SMC3: variants seen among roughly 807,000 people sequenced by gnomAD.
The protein encoded by SMC3 is structural maintenance of chromosomes protein 3.
In SMC3, 20 loss-of-function variants were observed where a neutral mutation model predicts 171.8. The ratio of observed to expected loss-of-function variants is 0.12; its 90% CI spans 0.08 to 0.17. The LOEUF (loss-of-function observed/expected upper bound fraction) is 0.17. Among genes scored for constraint, SMC3 ranks in the 10% least tolerant of loss-of-function variants. The pLI, the probability that SMC3 is intolerant of heterozygous loss-of-function variation, is 1.00. For missense variants in SMC3, 543 were observed against 1,420.4 expected, an observed-to-expected ratio of 0.38 and a Z score of 9.93; for synonymous variants, 464 against 451.1, an observed-to-expected ratio of 1.03 and a Z score of -0.36.
At position 110,593,113 on chromosome 10, in the gene SMC3, G is replaced by C; in HGVS notation, c.1853G>C (p.Arg618Thr). ...ATCAGCAAACTGAGGTACAATCCCA[G>C]ATTTGACAAAGCTTTCAAACATGTG... is the stretch of plus-strand genomic sequence containing the variant. Reference protein sequence around the residue: ...PMISKLRYNPRFDKAFKHVFG... With the variant: ...PMISKLRYNPTFDKAFKHVFG... Residue 618 changes from arginine (R) to threonine (T), a missense_variant, in exon 18 of 29, where the codon AGA becomes ACA. Physicochemically the swap from Arg to Thr is moderately conservative, Grantham distance 71. Coordinates refer to ENST00000361804, the MANE Select transcript of SMC3 (RefSeq NM_005445.4). 1 of 1,614,024 alleles carries C rather than the reference G, an allele frequency of 6.2e-7. No homozygotes were observed. The highest frequency in any genetic ancestry group is 1.1e-5 in the South Asian group (1 of 91,084).
intron 13 of SMC3, among the ~76,000 whole-genome samples, chr10:110,584,707 C>G (rs770352588): frequency 6.6e-6 from 1 of 152,212 alleles, no homozygotes; most frequent in Non-Finnish European, 1.5e-5. Context: ...CTCACTGCAG[C>G]CTCCACCTTC....
chr10:110,577,279 A>C, intron 4 of SMC3, 142 bp from the exon 5 acceptor site: 1 of 676,798 alleles, frequency 1.5e-6, no homozygotes, highest in South Asian at 1.7e-5. Context: ...ACGTTAGATT[A>C]GTGTGTGTGT....
In SMC3 at chr10:110,584,183, A is replaced by G. The variant is rs1197275137; in HGVS notation, c.1092A>G (p.Arg364=). 19 of 1,613,592 alleles carry G rather than the reference A, an allele frequency of 1.2e-5. No homozygotes were observed. Among genetic ancestry groups the G allele is most frequent in the Non-Finnish European group, 1.6e-5 (19 of 1,179,678 alleles). Residue 364 remains arginine (R), a splice_region_variant and synonymous_variant, in exon 13 of 29, where the codon AGA becomes AGG. Coordinates refer to ENST00000361804, the MANE Select transcript of SMC3 (RefSeq NM_005445.4). ...TCCCATTTGCTTCTATTTTGTGTAG[A>G]TTGGCTCAAGCTACCCAGGAAAGAA... ...VKEKEERGIA[R]LAQATQERTD...
intron 5 of SMC3, among the ~76,000 whole-genome samples, 171 bp from the exon 6 acceptor site, chr10:110,577,664 G>A (rs1860972323): frequency 6.6e-6 from 1 of 152,090 alleles, no homozygotes; most frequent in South Asian, 2.1e-4. Context: ...TGTACAAACT[G>A]TTGTGAAAAG....
chr10:110,600,219 T>G (rs926954151), intron 21 of SMC3, among the ~76,000 whole-genome samples: 1 of 152,186 alleles, frequency 6.6e-6, no homozygotes, highest in African/African-American at 2.4e-5. Context: ...AAGAAACTGT[T>G]TTTGACAGCA....
Position 110,581,948 on chromosome 10 carries a change from G to A in SMC3, c.573G>A (p.Glu191=), listed in dbSNP as rs752189054. Residue 191 remains glutamate, a synonymous_variant, in exon 9 of 29, where the codon GAG becomes GAA. Coordinates refer to ENST00000361804, the MANE Select transcript of SMC3 (RefSeq NM_005445.4). ...AGGGCAAACGGGAAAAAATCAATGA[G>A]TTGTTAAAATACATTGAAGAGAGAT... ...ETEGKREKIN[E]LLKYIEERLH... 11 of 1,613,710 alleles carry A rather than the reference G, an allele frequency of 6.8e-6. No individual in the cohort carries two copies. The highest frequency in any genetic ancestry group is 2.2e-5 in the East Asian group (1 of 44,802).
At chr10:110,600,322 CAT>C (rs1308114196) in intron 21 of SMC3, 115 bp from the exon 22 acceptor site, 29 of 699,790 alleles carry the variant, frequency 4.1e-5, no homozygotes, top group Non-Finnish European at 7.5e-5. Flanking sequence ...AAGAATATAA[CAT>C]ATTAAACTTC....
intron 23 of SMC3, among the ~76,000 whole-genome samples, 200 bp from the exon 24 acceptor site, chr10:110,601,434 GAAT>G (rs1311107575): frequency 6.6e-6 from 1 of 152,068 alleles, no homozygotes; most frequent in Non-Finnish European, 1.5e-5. Context: ...CATTAACATT[GAAT>G]AATGAAAATT....
intron 8 of SMC3, 144 bp from the exon 9 acceptor site, chr10:110,581,779 A>G (rs1327075127): frequency 1.2e-6 from 1 of 833,738 alleles, no homozygotes; most frequent in African/African-American, 1.7e-5. Flanking sequence ...TTGCTATTTT[A>G]GTATTTTAAA....
At chr10:110,583,693 G>GGT in intron 11 of SMC3, 145 bp downstream of exon 11, 1 of 1,162,656 alleles carries the variant, frequency 8.6e-7, no homozygotes, top group Non-Finnish European at 1.3e-6. Flanking sequence ...GTAACAACTT[G>GGT]GTACTGTCCC....
intron 17 of SMC3, 115 bp downstream of exon 17, chr10:110,591,247 TAAA>T (rs1337009417): frequency 1.9e-6 from 2 of 1,040,226 alleles, no homozygotes; most frequent in African/African-American, 3.2e-5. Flanking sequence ...GTGTATGAGA[TAAA>T]AATATCTGTC....
intron 2 of SMC3, among the ~76,000 whole-genome samples, chr10:110,570,144 G>C (rs1176155372): frequency 6.6e-6 from 1 of 152,144 alleles, no homozygotes; most frequent in Non-Finnish European, 1.5e-5. Context: ...CTGCTGTCTT[G>C]CTGTGTGCTC....
At position 110,583,545 on chromosome 10, in the gene SMC3, A is replaced by G; in HGVS notation, c.966A>G (p.Gln322=). 1 of 1,613,968 alleles carries G rather than the reference A, an allele frequency of 6.2e-7. No individual in the cohort carries two copies. The highest frequency in any genetic ancestry group is 8.5e-7 in the Non-Finnish European group (1 of 1,179,910). Residue 322 remains glutamine, a synonymous_variant, in exon 11 of 29, where the codon CAA becomes CAG. Coordinates refer to ENST00000361804, the MANE Select transcript of SMC3 (RefSeq NM_005445.4). ...ATGAACTAGCAGGCAATAGTGAACA[A>G]AGGGTAAGTTAAAATGCTAAAAATG... ...LQDELAGNSE[Q]RKRLLKERQK...
At chr10:110,572,104 T>A (rs1023035250) in intron 2 of SMC3, among the ~76,000 whole-genome samples, 4 of 152,248 alleles carry the variant, frequency 2.6e-5, no homozygotes, top group Non-Finnish European at 5.9e-5. Context: ...GTTCAGAGAC[T>A]ACTCATAAAC....
chr10:110,584,035 A>G (rs1590556820), intron 12 of SMC3, 73 bp downstream of exon 12: 6 of 1,565,088 alleles, frequency 3.8e-6, no homozygotes, highest in Admixed American at 1.7e-5. Context: ...GAGGAGCTCA[A>G]TTATATAGTA....
chr10:110,591,220 T>C (rs1317141428), intron 17 of SMC3, 88 bp downstream of exon 17: 1 of 1,229,460 alleles, frequency 8.1e-7, no homozygotes, highest in Non-Finnish European at 1.2e-6. Flanking sequence ...CCAGGCACTA[T>C]ACACTGGGAT....
rs565881682 is a variant in SMC3 at position 110,597,646 on chromosome 10, C to A, written c.2117-493C>A. On this transcript the variant is annotated intron_variant, in intron 19 of 28. Transcript: ENST00000361804. ...TTTGGCAAGATGTTAACACAAAGAGCGTATGGGGAAATACTGAGGAAAAGG... is the reference window on the plus strand; with the variant it reads ...TTTGGCAAGATGTTAACACAAAGAGAGTATGGGGAAATACTGAGGAAAAGG... Among the ~76,000 whole-genome samples the A allele has an allele frequency of 2.6e-5, 4 of 152,226 alleles. No homozygotes were observed. The South Asian group carries it at 8.3e-4, about 32-fold the overall frequency.
At chr10:110,602,338 C>T in intron 25 of SMC3, 136 bp from the exon 26 acceptor site, 1 of 954,990 alleles carries the variant, frequency 1.0e-6, no homozygotes, top group East Asian at 2.6e-5. Flanking sequence ...GAATGTTTTA[C>T]ACAGCCCTTA....
At chr10:110,593,012 T>C in intron 17 of SMC3, 61 bp from the exon 18 acceptor site, 1 of 1,314,584 alleles carries the variant, frequency 7.6e-7, no homozygotes, top group Admixed American at 1.7e-5. Flanking sequence ...TGTAATTTCA[T>C]AATTCTAAGT....
Sources: allele counts gnomAD v4.1 joint callset (sites outside exome capture counted in the v4.1 genomes callset), GRCh38; gene constraint gnomAD v4.1.1; transcripts MANE v1.5; gene names NCBI Gene and HGNC (gene_info 2026-07-23, HGNC 2026-07-21).